Variants in CCSER1 observed in about 807,000 individuals in gnomAD.
CCSER1 encodes coiled-coil serine rich protein 1, also known as serine-rich coiled-coil domain-containing protein 1.
Under a neutral mutation model 82.0 loss-of-function variants are expected in CCSER1, and 41 were observed. That is an observed-to-expected ratio of 0.50 (90% CI 0.39 to 0.65). The LOEUF is 0.65. Among genes scored for constraint, CCSER1 ranks in the 30% least tolerant of loss-of-function variants. CCSER1 has a pLI of 0.00. For synonymous variants in CCSER1, 414 were observed against 383.9 expected, an observed-to-expected ratio of 1.08 and a Z score of -0.92; for missense variants, 1,119 against 1,064.2, an observed-to-expected ratio of 1.05 and a Z score of -0.72.
At chr4:90,218,234 A>AT (rs1384074106) in intron 1 of CCSER1, among the ~76,000 whole-genome samples, 1 of 152,142 alleles carries the variant, frequency 6.6e-6, no homozygotes, top group African/African-American at 2.4e-5. Flanking sequence ...ACATTTATTT[A>AT]TTTGAGTATG....
intron 5 of CCSER1, among the ~76,000 whole-genome samples, chr4:90,480,649 G>T (rs1474705298): frequency 2.0e-5 from 3 of 152,126 alleles, no homozygotes; most frequent in Admixed American, 6.5e-5. Flanking sequence ...TTTCCCCATT[G>T]CTTGTTTTTG....
chr4:91,551,901 A>T (rs1436917095), intron 10 of CCSER1, among the ~76,000 whole-genome samples: 1 of 151,768 alleles, frequency 6.6e-6, no homozygotes, highest in Non-Finnish European at 1.5e-5. Context: ...ACTGTCAAAC[A>T]TCAACATTTG....
At chr4:91,118,934 G>C (rs1271677565) in intron 10 of CCSER1, among the ~76,000 whole-genome samples, 1 of 152,140 alleles carries the variant, frequency 6.6e-6, no homozygotes. Context: ...TCCACAGGCA[G>C]TCTGGGTAAG....
At chr4:90,580,556 C>G (rs1781316164) in intron 5 of CCSER1, among the ~76,000 whole-genome samples, 1 of 152,162 alleles carries the variant, frequency 6.6e-6, no homozygotes, top group Non-Finnish European at 1.5e-5. Flanking sequence ...GGCTTAAGGC[C>G]TCAGACCTAT....
chr4:91,259,263 C>A (rs1317143239), intron 10 of CCSER1, among the ~76,000 whole-genome samples: 1 of 151,996 alleles, frequency 6.6e-6, no homozygotes, highest in Non-Finnish European at 1.5e-5. Flanking sequence ...TCTTTATAAA[C>A]CAAAACATTA....
intron 1 of CCSER1, among the ~76,000 whole-genome samples, chr4:90,173,678 A>G (rs1479191781): frequency 6.6e-6 from 1 of 151,924 alleles, no homozygotes; most frequent in Non-Finnish European, 1.5e-5. Flanking sequence ...CAAACCATCT[A>G]TCTCACTATC....
chr4:91,209,281 G>A (rs1043864722), intron 10 of CCSER1, among the ~76,000 whole-genome samples: 4 of 151,836 alleles, frequency 2.6e-5, no homozygotes, highest in Non-Finnish European at 5.9e-5. Context: ...GGGCATCCTT[G>A]TCTTGTGCCA....
At chr4:90,474,469 C>T (rs547666029) in intron 5 of CCSER1, among the ~76,000 whole-genome samples, 2 of 152,088 alleles carry the variant, frequency 1.3e-5, no homozygotes, top group African/African-American at 4.8e-5. Context: ...TTATAGAGAA[C>T]GAATTAGATG....
At chr4:90,489,897 A>G (rs1349143866) in intron 5 of CCSER1, among the ~76,000 whole-genome samples, 1 of 152,170 alleles carries the variant, frequency 6.6e-6, no homozygotes, top group African/African-American at 2.4e-5. Context: ...TATATGTGGC[A>G]CATTTTCTTA....
chr4:91,059,898 T>A (rs986063476), intron 9 of CCSER1, among the ~76,000 whole-genome samples: 26 of 152,082 alleles, frequency 1.7e-4, no homozygotes, highest in African/African-American at 6.3e-4. Flanking sequence ...CTCATTAGTC[T>A]GAGTAGTGAC....
At chr4:90,626,724 A>C (rs1723340605) in intron 5 of CCSER1, among the ~76,000 whole-genome samples, 1 of 152,120 alleles carries the variant, frequency 6.6e-6, no homozygotes, top group Non-Finnish European at 1.5e-5. Flanking sequence ...CTCTTGACTC[A>C]AATCACCCCA....
At chr4:91,572,517 C>T (rs569765734) in intron 10 of CCSER1, among the ~76,000 whole-genome samples, 29 of 152,222 alleles carry the variant, frequency 1.9e-4, no homozygotes, top group East Asian at 1.6e-3. Flanking sequence ...GTCAGGCAAA[C>T]GGCAAAGACG....
chr4:90,862,250 T>A (rs746216771), intron 8 of CCSER1, among the ~76,000 whole-genome samples: 1 of 151,854 alleles, frequency 6.6e-6, no homozygotes, highest in Non-Finnish European at 1.5e-5. Context: ...TAGATTGTGT[T>A]TTCATATGCA....
At chr4:90,600,427 T>G (rs929731171) in intron 5 of CCSER1, among the ~76,000 whole-genome samples, 1 of 152,148 alleles carries the variant, frequency 6.6e-6, no homozygotes, top group Non-Finnish European at 1.5e-5. Flanking sequence ...ATTTCCCTAT[T>G]GTTGAGCATC....
Position 90,713,173 on chromosome 4 carries a change from G to A in CCSER1, c.1933-10741G>A, listed in dbSNP as rs368068793. ...GGTTAATACCGTTATGTGTGAATTTGATCCCGTCATAATGATGCTAGCTGG... is the reference window on the plus strand; with the variant it reads ...GGTTAATACCGTTATGTGTGAATTTAATCCCGTCATAATGATGCTAGCTGG... On this transcript the variant is annotated intron_variant, in intron 6 of 10. Transcript: ENST00000509176. Among the ~76,000 whole-genome samples the A allele has an allele frequency of 9.9e-5, 15 of 152,024 alleles. No individual in the cohort carries two copies. The East Asian group carries it at 1.9e-3, about 20-fold the overall frequency.
intron 10 of CCSER1, among the ~76,000 whole-genome samples, chr4:91,192,694 T>A (rs1735103859): frequency 6.6e-6 from 1 of 152,120 alleles, no homozygotes; most frequent in African/African-American, 2.4e-5. Flanking sequence ...AAAGATTCTG[T>A]CTTCTTTTAA....
At chr4:90,872,005 A>G (rs1415527895) in intron 8 of CCSER1, among the ~76,000 whole-genome samples, 4 of 150,436 alleles carry the variant, frequency 2.7e-5, no homozygotes, top group African/African-American at 4.9e-5. Flanking sequence ...TCTGCTTTTC[A>G]TTTTCATGGA....
chr4:90,329,799 A>G (rs986633069), intron 3 of CCSER1, among the ~76,000 whole-genome samples: 1 of 152,190 alleles, frequency 6.6e-6, no homozygotes, highest in Non-Finnish European at 1.5e-5. Context: ...GGAAAAAAGC[A>G]TCTGCTCAGA....
chr4:90,924,174 C>T (rs1728763878), intron 9 of CCSER1, among the ~76,000 whole-genome samples: 1 of 151,972 alleles, frequency 6.6e-6, no homozygotes, highest in African/African-American at 2.4e-5. Context: ...TGTATGAGGA[C>T]CCCCTCTTCT....
Sources: allele counts gnomAD v4.1 joint callset (sites outside exome capture counted in the v4.1 genomes callset), GRCh38; gene constraint gnomAD v4.1.1; transcripts MANE v1.5; gene names NCBI Gene and HGNC (gene_info 2026-07-23, HGNC 2026-07-21).